The following HMCN2 variants were observed in gnomAD, a reference collection of about 807,000 sequenced individuals.
HMCN2 encodes hemicentin-2.
In HMCN2, 325 loss-of-function variants were observed where a neutral mutation model predicts 377.5. The observed-to-expected ratio is 0.86, with a 90% CI of 0.79 to 0.94. The LOEUF is 0.94. Ranked by LOEUF, HMCN2 falls within the 40% of genes least tolerant of loss-of-function variation. HMCN2 has a pLI of 0.00. For synonymous variants in HMCN2, 2,007 were observed against 2,046.8 expected, an observed-to-expected ratio of 0.98 and a Z score of 0.53; for missense variants, 4,543 against 4,725.3, an observed-to-expected ratio of 0.96 and a Z score of 1.13.
Position 130,310,257 on chromosome 9 carries a change from C to T in HMCN2, c.2350+196C>T, listed in dbSNP as rs1293491351. Among the ~76,000 whole-genome samples the T allele has an allele frequency of 5.3e-5, 8 of 152,320 alleles. No individual in the cohort carries two copies. In the East Asian group the frequency reaches 1.2e-3, roughly 22 times the overall value. ...TCAGCTCTTGCTGGGTAACAAATAG[C>T]CCCCAAATTGTGTGGCTTAAACAAT... On this transcript the variant is annotated intron_variant, in intron 15 of 97. Transcript: ENST00000683500.
chr9:130,325,362 C>G (rs940866126), intron 19 of HMCN2, among the ~76,000 whole-genome samples: 18,146 of 152,228 alleles, frequency 0.12, 1,241 homozygotes, highest in Admixed American at 0.16. Context: ...TCCCAAAGTG[C>G]TGGGATTACA....
In HMCN2 at chr9:130,431,362, G is replaced by C. The variant is rs1206680760; in HGVS notation, c.14648-5G>C. ...CCACCTGCCCCACCCCCATGCCCGG[G>C]CCAGACCTTGACGAGTGCCGCGTGA... On this transcript the variant is annotated splice_polypyrimidine_tract_variant and splice_region_variant and intron_variant, in intron 95 of 97. Coordinates refer to ENST00000683500, the MANE Select transcript of HMCN2 (RefSeq NM_001291815.2). 1 of 1,549,362 alleles carries C rather than the reference G, an allele frequency of 6.5e-7. No individual in the cohort carries two copies. Among genetic ancestry groups the C allele is most frequent in the Non-Finnish European group, 8.7e-7 (1 of 1,146,618 alleles).
intron 25 of HMCN2, among the ~76,000 whole-genome samples, chr9:130,343,372 A>T (rs1369876770): frequency 6.6e-6 from 1 of 152,196 alleles, no homozygotes; most frequent in Non-Finnish European, 1.5e-5. Context: ...TTGCTCTGTG[A>T]GCCACAGGAC....
Position 130,396,085 on chromosome 9 carries a change from C to T in HMCN2, c.11053+20C>T. Reference sequence around the variant, plus strand: ...TCCACAGTGAGTAGGGCCCGCCCCACCCCACCCTGCCCACCTTACCCCACC... The same window carrying T: ...TCCACAGTGAGTAGGGCCCGCCCCATCCCACCCTGCCCACCTTACCCCACC... On this transcript the variant is annotated intron_variant, in intron 72 of 97. Transcript: ENST00000683500. The T allele has an allele frequency of 8.0e-7, 1 of 1,246,974 alleles. No homozygotes were observed. The highest frequency in any genetic ancestry group is 1.0e-6 in the Non-Finnish European group (1 of 963,700). 77.2% of individuals were successfully genotyped at this position (1,246,974 alleles called of 1,614,324 possible).
intron 1 of HMCN2, among the ~76,000 whole-genome samples, chr9:130,282,336 G>A (rs60338502): frequency 0.014 from 2,208 of 152,314 alleles, 56 homozygotes; most frequent in African/African-American, 0.049. Context: ...GAGAAATGGC[G>A]TTGTTACATG....
chr9:130,277,859 CCAT>C (rs1339538830), intron 1 of HMCN2, among the ~76,000 whole-genome samples: 1 of 24,486 alleles, frequency 4.1e-5, no homozygotes, highest in African/African-American at 1.7e-4. Context: ...ACCACCACCA[CCAT>C]CATCATCATC....
At chr9:130,355,167 C>G in intron 32 of HMCN2, 123 bp downstream of exon 32, 6 of 808,262 alleles carry the variant, frequency 7.4e-6, no homozygotes, top group South Asian at 1.7e-5. Context: ...ACCAGTGTCC[C>G]CACATTGCAT....
At chr9:130,402,557 A>G (rs1184896979) in intron 77 of HMCN2, among the ~76,000 whole-genome samples, 9 of 152,176 alleles carry the variant, frequency 5.9e-5, no homozygotes, top group Non-Finnish European at 1.2e-4. Flanking sequence ...GCACATGGGG[A>G]AACTGAGGTC....
chr9:130,411,598 C>CAAAAAAAAA (rs35719589), intron 85 of HMCN2, among the ~76,000 whole-genome samples: 34 of 97,518 alleles, frequency 3.5e-4, no homozygotes, highest in Non-Finnish European at 3.9e-4. Flanking sequence ...GACTCAATCT[C>CAAAAAAAAA]AAAAAAAAAA....
intron 26 of HMCN2, chr9:130,348,026 C>T (rs1180433479): frequency 1.0e-6 from 1 of 985,292 alleles, no homozygotes; most frequent in Admixed American, 6.1e-5. Context: ...GGAACCCCTC[C>T]TTAACACGGG....
intron 15 of HMCN2, among the ~76,000 whole-genome samples, chr9:130,318,836 C>A (rs1005943137): frequency 3.3e-5 from 5 of 152,170 alleles, no homozygotes. Flanking sequence ...TCTGCTCTTT[C>A]CAAAAAAGTT....
rs1167253472 is a variant in HMCN2, at chr9:130,303,543, C to T, written c.1478C>T (p.Thr493Met). 1.7e-5 allele frequency: 7 copies of T among 420,034 alleles called. No individual in the cohort carries two copies. Among genetic ancestry groups the T allele is most frequent in the East Asian group, 8.2e-5 (1 of 12,164 alleles). 26.0% of individuals were successfully genotyped at this position (420,034 alleles called of 1,614,324 possible). Residue 493 changes from threonine to methionine, a missense_variant, in exon 10 of 98, where the codon ACG becomes ATG. By Grantham distance (81) the Thr-to-Met change is moderately conservative (BLOSUM62 -1). Around this residue, in one of 5 missense-constraint regions of HMCN2, gnomAD observed 547 missense variants for 189.9 expected, o/e 2.88. Transcript: ENST00000683500. This position sits in a 1 kb window ranked among gnomAD's most constrained non-coding sequence, Gnocchi z 5.2. The stretch of plus-strand genomic sequence containing the variant: ...CGGGCCTCCAAGGCCGAGGAGGGCA[C>T]GTACGAGTGCACAGCCGTCAGCAGG... ...ILRASKAEEG[T>M]YECTAVSRAG...
At position 130,356,131 on chromosome 9, in the gene HMCN2, C is replaced by T; in HGVS notation, c.5299C>T (p.Gln1767Ter). ...CCCAGCCGAGGAGCTGGCTGGGGTG[C>T]AGGTGGCCTCGCAGGGGACCACACT... ...GRPAEELAGV[Q>*]VASQGTTLHI... Residue 1767 changes from glutamine to a stop codon, truncating the protein, a stop_gained, in exon 34 of 98, where the codon CAG becomes TAG. Transcript: ENST00000683500. LOFTEE classifies it high-confidence loss of function. 7.7e-7 allele frequency: 1 copy of T among 1,300,506 alleles called. No homozygotes were observed. Among genetic ancestry groups the T allele is most frequent in the Non-Finnish European group, 1.0e-6 (1 of 988,350 alleles). The allele number at this position is 1,300,506 out of a possible 1,614,324, so 80.6% of individuals were successfully genotyped here.
intron 84 of HMCN2, among the ~76,000 whole-genome samples, chr9:130,409,191 G>A (rs1266986354): frequency 6.6e-6 from 1 of 152,212 alleles, no homozygotes; most frequent in Non-Finnish European, 1.5e-5. Context: ...AAATCAGTGA[G>A]ATGTCTCATA....
At chr9:130,340,231 G>A in intron 23 of HMCN2, among the ~76,000 whole-genome samples, 1 of 152,268 alleles carries the variant, frequency 6.6e-6, no homozygotes, top group East Asian at 1.9e-4. Flanking sequence ...GGACGGGGCA[G>A]CGGTGATGCC....
At position 130,361,138 on chromosome 9, in the gene HMCN2, G is replaced by A. The variant is rs374174637; in HGVS notation, c.5950+534G>A. 6.6e-6 allele frequency among the ~76,000 whole-genome samples: 1 copy of A among 152,168 alleles called. No individual in the cohort carries two copies. The highest frequency in any genetic ancestry group is 6.5e-5 in the Admixed American group (1 of 15,278). ...ACTTATTGAGTCCATGCTCTGGGGC[G>A]GAGACTGGACCTAGAGCCCTAGATA... On this transcript the variant is annotated intron_variant, in intron 38 of 97. Coordinates refer to ENST00000683500, the MANE Select transcript of HMCN2 (RefSeq NM_001291815.2). The surrounding 1 kb of genome is among the most constrained non-coding windows in gnomAD (Gnocchi z 4.8).
chr9:130,331,438 T>C (rs1412176496), intron 22 of HMCN2, among the ~76,000 whole-genome samples: 2 of 152,196 alleles, frequency 1.3e-5, no homozygotes, highest in Admixed American at 6.5e-5. Context: ...AAATTCAAAA[T>C]TGAAGTCAGC....
chr9:130,289,384 G>T (rs1835615168), intron 4 of HMCN2, among the ~76,000 whole-genome samples: 2 of 152,228 alleles, frequency 1.3e-5, no homozygotes, highest in South Asian at 2.1e-4. Context: ...TGACCAGGTG[G>T]CTCTGATTAA....
chr9:130,403,925 G>C, intron 80 of HMCN2, 50 bp downstream of exon 80: 4 of 1,266,878 alleles, frequency 3.2e-6, no homozygotes, highest in Non-Finnish European at 4.1e-6. Flanking sequence ...GAGGGGCTTT[G>C]AGGCTTCTGC....
Sources: allele counts gnomAD v4.1 joint callset (sites outside exome capture counted in the v4.1 genomes callset), GRCh38; gene constraint gnomAD v4.1.1; regional missense constraint gnomAD v4.1.1; non-coding constraint Gnocchi (gnomAD v3.1); transcripts MANE v1.5; gene names NCBI Gene and HGNC (gene_info 2026-07-23, HGNC 2026-07-21).